MTMR10: variants seen among roughly 807,000 people sequenced by gnomAD.
MTMR10 encodes the protein myotubularin-related protein 10.
Under a neutral mutation model 88.1 loss-of-function variants are expected in MTMR10, and 56 were observed. That is an observed-to-expected ratio of 0.64 (90% CI 0.51 to 0.79). The LOEUF is 0.79. MTMR10 is among the 30% of genes least tolerant of loss of function. The pLI, the probability that MTMR10 is intolerant of heterozygous loss-of-function variation, is 0.00. For missense variants in MTMR10, 883 were observed against 924.7 expected, an observed-to-expected ratio of 0.95 and a Z score of 0.58; for synonymous variants, 380 against 340.9, an observed-to-expected ratio of 1.11 and a Z score of -1.26.
At chr15:30,977,037 T>C (rs936017273) in intron 2 of MTMR10, 82 bp from the exon 3 acceptor site, 1 of 1,336,350 alleles carries the variant, frequency 7.5e-7, no homozygotes, top group African/African-American at 1.5e-5. Flanking sequence ...GAGTGTTTCA[T>C]GAGGGCAAGG....
At chr15:30,942,257 G>A in intron 15 of MTMR10, 185 bp from the exon 16 acceptor site, 1 of 740,348 alleles carries the variant, frequency 1.4e-6, no homozygotes, top group Admixed American at 2.9e-5. Context: ...TTTTTTATGT[G>A]TTGACTCTAC....
In MTMR10 at chr15:30,975,590, G is replaced by C. The variant is rs558531933; in HGVS notation, c.259-587C>G. On this transcript the variant is annotated intron_variant, in intron 3 of 15. Transcript: ENST00000435680. Reference sequence around the variant, plus strand: ...ATCATTATGAAGCTAAAAACAAAGAGAAACACACAAGCCTATATCCAAATA... The same window carrying C: ...ATCATTATGAAGCTAAAAACAAAGACAAACACACAAGCCTATATCCAAATA... 5.4e-4 allele frequency among the ~76,000 whole-genome samples: 82 copies of C among 152,122 alleles called. 2 individuals carry two copies. The South Asian group carries it at 0.017, about 31-fold the overall frequency.
At position 30,940,076 on chromosome 15, in the gene MTMR10, T is replaced by C. The variant is rs1379251099; in HGVS notation, c.*1394A>G. 1 of 982,852 alleles carries C rather than the reference T, an allele frequency of 1.0e-6. No individual in the cohort carries two copies. Among genetic ancestry groups the C allele is most frequent in the Non-Finnish European group, 1.2e-6 (1 of 827,716 alleles). The allele number at this position is 982,852 out of a possible 1,614,324, so 60.9% of individuals were successfully genotyped here. A position where few individuals can be genotyped will look rare whatever the true frequency, so the allele number is the denominator to read the frequency against. On this transcript the variant is annotated 3_prime_UTR_variant, in exon 16 of 16. Coordinates refer to ENST00000435680, the MANE Select transcript of MTMR10 (RefSeq NM_017762.3). Reference sequence around the variant, plus strand: ...AAAACACTTGTTTTAGAAAAGGAAATAAGCTAACTAGACACTTTACTATAA... The same window carrying C: ...AAAACACTTGTTTTAGAAAAGGAAACAAGCTAACTAGACACTTTACTATAA...
At chr15:30,929,195 T>C in the MTMR10 span, 1 of 1,609,840 alleles carries the variant, frequency 6.2e-7, no homozygotes, top group Non-Finnish European at 8.5e-7. Context: ...GCTTTCCCTG[T>C]GACACAGGCA....
chr15:30,951,907 G>T, intron 12 of MTMR10, 61 bp downstream of exon 12: 2 of 1,372,156 alleles, frequency 1.5e-6, no homozygotes, highest in Non-Finnish European at 1.0e-6. Flanking sequence ...ATGGGGACAA[G>T]CAGTAAACCA....
intron 2 of MTMR10, among the ~76,000 whole-genome samples, chr15:30,990,355 C>G (rs574951689): frequency 6.6e-6 from 1 of 152,256 alleles, no homozygotes; most frequent in East Asian, 1.9e-4. Flanking sequence ...CTGAAACAAG[C>G]AAATTTGCAA....
chr15:30,943,364 CATG>C, intron 14 of MTMR10: 1 of 985,152 alleles, frequency 1.0e-6, no homozygotes, highest in Non-Finnish European at 1.2e-6. Context: ...GTTTCACTAA[CATG>C]ATACTAGAAA....
intron 2 of MTMR10, among the ~76,000 whole-genome samples, chr15:30,983,999 A>G (rs2030765580): frequency 6.6e-6 from 1 of 152,148 alleles, no homozygotes; most frequent in African/African-American, 2.4e-5. Context: ...GAAGAAGAGC[A>G]TTGAGATAGT....
In MTMR10 at chr15:30,940,779, A is replaced by T; in HGVS notation, c.*691T>A. On this transcript the variant is annotated 3_prime_UTR_variant, in exon 16 of 16. Transcript: ENST00000435680. ...TTCCCACCCCAATTTTAAAAAGTGA[A>T]ATTATATTTTCTTCTGTAATATTTG... is the stretch of plus-strand genomic sequence containing the variant. 1.0e-6 allele frequency: 1 copy of T among 987,154 alleles called. No homozygotes were observed. The highest frequency in any genetic ancestry group is 1.2e-6 in the Non-Finnish European group (1 of 830,866). 61.1% of individuals were successfully genotyped at this position (987,154 alleles called of 1,614,324 possible). A position where few individuals can be genotyped will look rare whatever the true frequency, so the allele number is the denominator to read the frequency against.
chr15:30,943,149 C>CATT, intron 14 of MTMR10, 77 bp from the exon 15 acceptor site: 1 of 1,487,068 alleles, frequency 6.7e-7, no homozygotes, highest in Non-Finnish European at 8.9e-7. Flanking sequence ...AGCCACTCAT[C>CATT]ATTACACAGG....
At chr15:30,972,967 TG>T (rs1224482278) in intron 5 of MTMR10, among the ~76,000 whole-genome samples, 19 of 152,220 alleles carry the variant, frequency 1.2e-4, no homozygotes, top group Admixed American at 2.6e-4. Context: ...TAGCAAGTTC[TG>T]TGATGTCCCT....
the MTMR10 span, among the ~76,000 whole-genome samples, chr15:30,930,241 T>A: frequency 6.6e-6 from 1 of 151,904 alleles, no homozygotes; most frequent in South Asian, 2.1e-4. Flanking sequence ...TATGAGGCCA[T>A]GCTGTCGCGT....
downstream of MTMR10, chr15:30,938,933 C>G (rs1048624373): frequency 5.1e-6 from 5 of 985,278 alleles, no homozygotes; most frequent in Non-Finnish European, 6.0e-6. Context: ...TTCATACTGA[C>G]AACAACAAAC....
chr15:30,953,150 C>CT (rs1351228761), intron 11 of MTMR10, among the ~76,000 whole-genome samples: 5 of 152,128 alleles, frequency 3.3e-5, no homozygotes, highest in Admixed American at 2.6e-4. Context: ...AAGGGGTTGA[C>CT]TTATGACAAA....
At chr15:30,983,234 G>A (rs946893434) in intron 2 of MTMR10, among the ~76,000 whole-genome samples, 1 of 152,186 alleles carries the variant, frequency 6.6e-6, no homozygotes, top group African/African-American at 2.4e-5. Flanking sequence ...CCACAAGGAA[G>A]CCTCATGAAG....
rs770233683 is a variant in MTMR10, at chr15:30,947,173, G to A, written c.1505C>T (p.Thr502Ile). The A allele has an allele frequency of 6.2e-7, 1 of 1,613,868 alleles. No individual in the cohort carries two copies. The highest frequency in any genetic ancestry group is 1.3e-5 in the African/African-American group (1 of 75,044). The change falls in exon 14 of 16, where the codon ACC (threonine) becomes ATC (isoleucine). Residue 502 changes from threonine (T) to isoleucine (I), a missense_variant. Thr to Ile is a moderately conservative substitution (Grantham distance 89, BLOSUM62 -1). Transcript: ENST00000435680. ...YDSTRISLFG[T>I]FLFNSPHQRV... Reference sequence around the variant, plus strand: ...CTGGTGAGGGGAGTTGAACAGGAAGGTGCCAAACAGTGAGATCCGGGTGCT... The same window carrying A: ...CTGGTGAGGGGAGTTGAACAGGAAGATGCCAAACAGTGAGATCCGGGTGCT...
intron 2 of MTMR10, among the ~76,000 whole-genome samples, chr15:30,977,309 T>G (rs2141054087): frequency 6.6e-6 from 1 of 152,354 alleles, no homozygotes; most frequent in Middle Eastern, 3.4e-3. Flanking sequence ...TATTACTTGA[T>G]GGAATATTTG....
intron 2 of MTMR10, 134 bp from the exon 3 acceptor site, chr15:30,977,089 C>G: frequency 1.2e-6 from 1 of 802,474 alleles, no homozygotes; most frequent in South Asian, 1.8e-5. Context: ...CACCAGGTGC[C>G]AGGCACTGTA....
chr15:30,985,387 A>T (rs893464715), intron 2 of MTMR10, among the ~76,000 whole-genome samples: 2 of 152,228 alleles, frequency 1.3e-5, no homozygotes, highest in South Asian at 4.1e-4. Flanking sequence ...CTAGGCTGAC[A>T]TCCAATCTAC....
Sources: gnomAD v4.1 joint callset for allele counts (sites outside exome capture counted in the v4.1 genomes callset) on GRCh38, gnomAD v4.1.1 for gene constraint, MANE v1.5 for transcripts, NCBI Gene and HGNC (gene_info 2026-07-23, HGNC 2026-07-21) for gene names.